ARHGAP24: variants seen among roughly 807,000 people sequenced by gnomAD.
ARHGAP24 encodes Rho GTPase activating protein 24.
Under a neutral mutation model 76.4 loss-of-function variants are expected in ARHGAP24, and 50 were observed. The ratio of observed to expected loss-of-function variants is 0.65; its 90% confidence interval spans 0.52 to 0.83. The LOEUF (loss-of-function observed/expected upper bound fraction) is 0.83, where lower values mean the gene tolerates loss of function less well. Among genes scored for constraint, ARHGAP24 ranks in the 40% least tolerant of loss-of-function variants. The probability of loss-of-function intolerance (pLI) is 0.00; values close to 1 mark genes in which losing one functional copy is unlikely to be tolerated. For synonymous variants in ARHGAP24, 345 were observed against 323.3 expected, an observed-to-expected ratio of 1.07 and a Z score of -0.72; for missense variants, 930 against 914.2, an observed-to-expected ratio of 1.02 and a Z score of -0.22.
chr4:85,742,774 C>A (rs144130259), intron 3 of ARHGAP24, among the ~76,000 whole-genome samples: 49 of 152,268 alleles, frequency 3.2e-4, no homozygotes, highest in African/African-American at 1.1e-3. Context: ...ATATCACTAG[C>A]TAGCCTGTAC....
intron 2 of ARHGAP24, among the ~76,000 whole-genome samples, chr4:85,590,462 C>T (rs1368541969): frequency 3.9e-5 from 6 of 151,910 alleles, no homozygotes; most frequent in African/African-American, 1.2e-4. Flanking sequence ...TGGGTTCAAG[C>T]GATTCTCCTG....
intron 3 of ARHGAP24, among the ~76,000 whole-genome samples, chr4:85,834,456 T>C (rs1730160347): frequency 6.6e-6 from 1 of 152,224 alleles, no homozygotes; most frequent in African/African-American, 2.4e-5. Flanking sequence ...GATATATCTA[T>C]AATACTTCAC....
chr4:85,569,962 T>C (rs1727015315), intron 1 of ARHGAP24, among the ~76,000 whole-genome samples: 1 of 152,222 alleles, frequency 6.6e-6, no homozygotes, highest in Non-Finnish European at 1.5e-5. Flanking sequence ...TTGAGAGTTA[T>C]GTTTTAGTTT....
At chr4:85,554,828 G>A (rs946600465) in intron 1 of ARHGAP24, among the ~76,000 whole-genome samples, 5 of 88,842 alleles carry the variant, frequency 5.6e-5, no homozygotes, top group African/African-American at 1.9e-4. Context: ...CCGCTATCAC[G>A]CCCAGCTGAT....
At chr4:85,935,701 G>T in intron 4 of ARHGAP24, among the ~76,000 whole-genome samples, 1 of 152,156 alleles carries the variant, frequency 6.6e-6, no homozygotes, top group East Asian at 1.9e-4. Flanking sequence ...GGACCCCCTT[G>T]TAGGATGTCT....
chr4:85,763,985 A>G (rs1377556392), intron 3 of ARHGAP24, among the ~76,000 whole-genome samples: 1 of 152,200 alleles, frequency 6.6e-6, no homozygotes, highest in Non-Finnish European at 1.5e-5. Context: ...CAATGTACAT[A>G]TCATACTTTA....
At chr4:85,695,475 G>GA (rs974332012) in intron 2 of ARHGAP24, among the ~76,000 whole-genome samples, 4 of 152,094 alleles carry the variant, frequency 2.6e-5, no homozygotes, top group Non-Finnish European at 5.9e-5. Context: ...ATCATAGATG[G>GA]AAAAAAATCA....
At chr4:85,985,041 C>T (rs577013277) in intron 8 of ARHGAP24, among the ~76,000 whole-genome samples, 2 of 152,216 alleles carry the variant, frequency 1.3e-5, no homozygotes, top group Non-Finnish European at 2.9e-5. Context: ...AGGCTGGTCT[C>T]AAACTCCTGA....
intron 2 of ARHGAP24, among the ~76,000 whole-genome samples, chr4:85,598,524 GC>G (rs1719916737): frequency 6.6e-6 from 1 of 151,958 alleles, no homozygotes; most frequent in South Asian, 2.1e-4. Flanking sequence ...TTTCTTAGTA[GC>G]TGATCATTGT....
intron 1 of ARHGAP24, among the ~76,000 whole-genome samples, chr4:85,500,214 T>C (rs1723749930): frequency 6.6e-6 from 1 of 152,228 alleles, no homozygotes; most frequent in Non-Finnish European, 1.5e-5. Context: ...ATGTAGATAC[T>C]AGAAAATTTA....
At chr4:85,827,683 C>T in intron 3 of ARHGAP24, 1 of 246,096 alleles carries the variant, frequency 4.1e-6, no homozygotes, top group Non-Finnish European at 8.2e-6. Flanking sequence ...GACAGCCCCT[C>T]CTCTTCCCTG....
intron 3 of ARHGAP24, among the ~76,000 whole-genome samples, chr4:85,812,435 C>T (rs150574110): frequency 9.9e-5 from 15 of 152,000 alleles, no homozygotes; most frequent in South Asian, 4.2e-4. Flanking sequence ...CCATTAATTT[C>T]CAAAGAGAGA....
chr4:85,802,577 A>G (rs1023141245), intron 3 of ARHGAP24, among the ~76,000 whole-genome samples: 2 of 152,226 alleles, frequency 1.3e-5, no homozygotes, highest in Non-Finnish European at 2.9e-5. Context: ...GGATCACCCG[A>G]GGTCGGGAGT....
At position 85,806,715 on chromosome 4, in the gene ARHGAP24, A is replaced by G. The variant is rs570887426; in HGVS notation, c.268+84743A>G. On this transcript the variant is annotated intron_variant, in intron 3 of 9. Transcript: ENST00000395184. ...CAATTGTTGAATAATTATTATTTTC[A>G]TAAGTTCACTTGGGTAATCTCTAGT... 2.6e-5 allele frequency among the ~76,000 whole-genome samples: 4 copies of G among 152,338 alleles called. No homozygotes were observed. The South Asian group carries it at 6.2e-4, about 24-fold the overall frequency.
intron 2 of ARHGAP24, chr4:85,604,215 G>T (rs1720120301): frequency 6.6e-6 from 1 of 152,186 alleles, no homozygotes; most frequent in Non-Finnish European, 1.5e-5. Flanking sequence ...GTTCCCCTCT[G>T]CATGTTGAAG....
chr4:85,923,936 A>C (rs1735877579), intron 4 of ARHGAP24, among the ~76,000 whole-genome samples, 166 bp downstream of exon 4: 2 of 152,196 alleles, frequency 1.3e-5, no homozygotes, highest in South Asian at 4.1e-4. Flanking sequence ...CGTAAATCCT[A>C]CAAGTTTAAT....
chr4:85,502,196 GGC>G (rs1376219705), intron 1 of ARHGAP24, among the ~76,000 whole-genome samples: 1 of 152,096 alleles, frequency 6.6e-6, no homozygotes, highest in African/African-American at 2.4e-5. Context: ...GGATTGTCTT[GGC>G]AATGTGGGCT....
At chr4:85,688,343 C>T (rs554120726) in intron 2 of ARHGAP24, among the ~76,000 whole-genome samples, 1 of 152,152 alleles carries the variant, frequency 6.6e-6, no homozygotes, top group Non-Finnish European at 1.5e-5. Context: ...AATATTTTTT[C>T]ATGTTTGTTG....
At chr4:85,650,355 A>G (rs962797349) in intron 2 of ARHGAP24, among the ~76,000 whole-genome samples, 1 of 149,752 alleles carries the variant, frequency 6.7e-6, no homozygotes, top group Non-Finnish European at 1.5e-5. Flanking sequence ...CATTCTTTCA[A>G]TATTCAATGT....
Sources: allele counts gnomAD v4.1 joint callset (sites outside exome capture counted in the v4.1 genomes callset), GRCh38; gene constraint gnomAD v4.1.1; transcripts MANE v1.5; gene names NCBI Gene and HGNC (gene_info 2026-07-23, HGNC 2026-07-21).